FAF1: variants seen among roughly 807,000 people sequenced by gnomAD.
FAF1 encodes the protein Fas associated factor 1, also known as FAS-associated factor 1.
In FAF1, 25 loss-of-function variants were observed where a neutral mutation model predicts 92.5. That is an observed-to-expected ratio of 0.27 (90% CI 0.20 to 0.38). FAF1 has a LOEUF of 0.38. FAF1 is among the 10% of genes least tolerant of loss of function. The probability of loss-of-function intolerance (pLI) is 1.00; values close to 1 mark genes in which losing one functional copy is unlikely to be tolerated. For synonymous variants in FAF1, 234 were observed against 273.2 expected (o/e 0.86, Z 1.42); for missense variants, 636 against 793.3 (o/e 0.80, Z 2.38).
intron 2 of FAF1, among the ~76,000 whole-genome samples, chr1:50,851,542 C>T (rs1644349116): frequency 6.6e-6 from 1 of 152,070 alleles, no homozygotes; most frequent in Admixed American, 6.6e-5. Context: ...ATAAGTAGTA[C>T]TAGATATCAA....
chr1:50,922,527 C>CCAAACTAAG (rs1301449856), intron 1 of FAF1, among the ~76,000 whole-genome samples: 12 of 141,848 alleles, frequency 8.5e-5, no homozygotes, highest in Non-Finnish European at 1.7e-4. Context: ...AAGAAAACCA[C>CCAAACTAAG]CAAACTAAGC....
intron 17 of FAF1, among the ~76,000 whole-genome samples, chr1:50,483,814 A>G (rs1394497202): frequency 3.3e-5 from 5 of 152,214 alleles, no homozygotes; most frequent in Admixed American, 3.3e-4. Flanking sequence ...GAGATAAGTC[A>G]AGGATAATTC....
Position 50,440,225 on chromosome 1 carries a change from G to C in FAF1, c.*1215C>G, listed in dbSNP as rs1383199393. ...TAAAAATAAATCATTGGCTGTGAAG[G>C]TATAAACGGTGTTCTCATGATCTAA... On this transcript the variant is annotated 3_prime_UTR_variant, in exon 19 of 19. Transcript: ENST00000396153. 6.6e-6 allele frequency: 1 copy of C among 152,168 alleles called. No individual in the cohort carries two copies. Among genetic ancestry groups the C allele is most frequent in the Non-Finnish European group, 1.5e-5 (1 of 68,022 alleles). The allele number at this position is 152,168 out of a possible 1,614,324, so 9.4% of individuals were successfully genotyped here.
At chr1:50,847,153 T>C (rs895750233) in intron 2 of FAF1, among the ~76,000 whole-genome samples, 1 of 152,108 alleles carries the variant, frequency 6.6e-6, no homozygotes, top group Non-Finnish European at 1.5e-5. Flanking sequence ...TAATACCACC[T>C]GGGATTGTGA....
In FAF1 at chr1:50,655,367, T is replaced by C. The variant is rs11585301; in HGVS notation, c.744+75A>G. 58,408 of 960,650 alleles carry C rather than the reference T, an allele frequency of 0.061. 2,237 individuals are homozygous for C. The highest frequency in any genetic ancestry group is 0.075 in the Non-Finnish European group (44,096 of 586,218). 59.5% of individuals were successfully genotyped at this position (960,650 alleles called of 1,614,324 possible). ...GACTCAAAGCATTTAATTGTGCTTA[T>C]TATCAAAGCCAATTAGACTGAAAGT... On this transcript the variant is annotated intron_variant, in intron 8 of 18. Coordinates refer to ENST00000396153, the MANE Select transcript of FAF1 (RefSeq NM_007051.3).
chr1:50,657,308 T>A (rs943660399), intron 7 of FAF1, among the ~76,000 whole-genome samples: 4 of 152,180 alleles, frequency 2.6e-5, no homozygotes, highest in Admixed American at 6.5e-5. Context: ...GGAGAGATTA[T>A]CCATTTTAAT....
intron 1 of FAF1, among the ~76,000 whole-genome samples, chr1:50,866,915 A>T (rs1040549086): frequency 1.3e-5 from 2 of 152,206 alleles, no homozygotes; most frequent in Non-Finnish European, 2.9e-5. Context: ...ATCTGGAGGC[A>T]TAACATTACC....
At chr1:50,647,266 G>C (rs1399161023) in intron 8 of FAF1, among the ~76,000 whole-genome samples, 1 of 152,148 alleles carries the variant, frequency 6.6e-6, no homozygotes, top group Non-Finnish European at 1.5e-5. Flanking sequence ...GTTAAGTCTT[G>C]GCCAATCTCA....
intron 7 of FAF1, among the ~76,000 whole-genome samples, chr1:50,677,212 G>A (rs1656159958): frequency 6.6e-6 from 1 of 152,016 alleles, no homozygotes; most frequent in South Asian, 2.1e-4. Flanking sequence ...TTTCAACTGG[G>A]CAAAAACTAA....
intron 9 of FAF1, among the ~76,000 whole-genome samples, chr1:50,588,613 G>C (rs977484635): frequency 6.6e-6 from 1 of 152,180 alleles, no homozygotes; most frequent in Non-Finnish European, 1.5e-5. Context: ...TGTGTGTGGT[G>C]ACTTGAGGTC....
intron 4 of FAF1, among the ~76,000 whole-genome samples, chr1:50,753,930 G>C (rs564171688): frequency 1.3e-5 from 2 of 151,862 alleles, no homozygotes; most frequent in East Asian, 3.9e-4. Context: ...GCTAATTTTT[G>C]TATTTTTGGC....
intron 3 of FAF1, among the ~76,000 whole-genome samples, chr1:50,795,181 T>A (rs1661704434): frequency 6.6e-6 from 1 of 152,148 alleles, no homozygotes; most frequent in South Asian, 2.1e-4. Context: ...GTGCCTAAAC[T>A]GCAAATGACA....
At chr1:50,877,004 G>A (rs993495472) in intron 1 of FAF1, among the ~76,000 whole-genome samples, 3 of 152,238 alleles carry the variant, frequency 2.0e-5, no homozygotes, top group African/African-American at 7.2e-5. Flanking sequence ...AAACAGGGAA[G>A]AGACAAATTC....
chr1:50,923,382 C>T (rs893733412), intron 1 of FAF1, among the ~76,000 whole-genome samples: 2 of 152,082 alleles, frequency 1.3e-5, no homozygotes, highest in Non-Finnish European at 2.9e-5. Context: ...CCACTGCATT[C>T]CAGCCTGGGT....
intron 15 of FAF1, among the ~76,000 whole-genome samples, chr1:50,509,479 G>A (rs915615454): frequency 2.0e-5 from 3 of 152,124 alleles, no homozygotes; most frequent in Admixed American, 6.6e-5. Context: ...GGGTGTGGTG[G>A]CACACACTTG....
At chr1:50,469,066 G>C (rs751230193) in intron 18 of FAF1, among the ~76,000 whole-genome samples, 1 of 152,152 alleles carries the variant, frequency 6.6e-6, no homozygotes, top group African/African-American at 2.4e-5. Flanking sequence ...AGCAGCAGCT[G>C]TATTATTCTT....
intron 13 of FAF1, among the ~76,000 whole-genome samples, chr1:50,561,570 G>A (rs1488192106): frequency 6.6e-6 from 1 of 152,176 alleles, no homozygotes; most frequent in Non-Finnish European, 1.5e-5. Flanking sequence ...GCTCATGCCT[G>A]TAATCCCAGC....
chr1:50,557,696 T>C (rs1453444950), intron 13 of FAF1, among the ~76,000 whole-genome samples: 3 of 152,108 alleles, frequency 2.0e-5, no homozygotes, highest in African/African-American at 7.2e-5. Context: ...TTACTATCAG[T>C]GTTTATAGAA....
intron 2 of FAF1, among the ~76,000 whole-genome samples, chr1:50,805,655 T>G (rs970451586): frequency 6.6e-5 from 10 of 152,218 alleles, no homozygotes; most frequent in African/African-American, 2.4e-4. Flanking sequence ...CTACATGGAA[T>G]GCTAGGATAT....
Sources: allele counts gnomAD v4.1 joint callset (sites outside exome capture counted in the v4.1 genomes callset), GRCh38; gene constraint gnomAD v4.1.1; transcripts MANE v1.5; gene names NCBI Gene and HGNC (gene_info 2026-07-23, HGNC 2026-07-21).